Variants in CNTNAP2 observed in about 807,000 individuals in gnomAD.
CNTNAP2 encodes the protein contactin-associated protein-like 2.
Under a neutral mutation model 155.2 loss-of-function variants are expected in CNTNAP2, and 98 were observed. That is an observed-to-expected ratio of 0.63 (90% CI 0.54 to 0.75). The LOEUF is 0.75. Among genes scored for constraint, CNTNAP2 ranks in the 30% least tolerant of loss-of-function variants. CNTNAP2 has a pLI of 0.00. For synonymous variants in CNTNAP2, 651 were observed against 631.2 expected (o/e 1.03, Z -0.47); for missense variants, 1,727 against 1,688.1 (o/e 1.02, Z -0.40).
At chr7:146,348,266 A>G (rs1251897012) in intron 1 of CNTNAP2, among the ~76,000 whole-genome samples, 1 of 152,086 alleles carries the variant, frequency 6.6e-6, no homozygotes, top group South Asian at 2.1e-4. Context: ...TAAAAATATA[A>G]AAAAACAAAT....
chr7:146,551,868 C>G (rs1010060184), intron 1 of CNTNAP2, among the ~76,000 whole-genome samples: 3 of 152,016 alleles, frequency 2.0e-5, no homozygotes, highest in African/African-American at 7.3e-5. Context: ...CCCACCTTTT[C>G]AGAGAACGAG....
chr7:146,801,324 G>A (rs763248238), intron 2 of CNTNAP2, among the ~76,000 whole-genome samples: 9 of 152,220 alleles, frequency 5.9e-5, no homozygotes, highest in South Asian at 2.1e-4. Context: ...CTCACTAGAC[G>A]TCTGAGACCA....
intron 9 of CNTNAP2, among the ~76,000 whole-genome samples, chr7:147,354,604 G>A (rs777431930): frequency 6.6e-6 from 1 of 152,070 alleles, no homozygotes; most frequent in Non-Finnish European, 1.5e-5. Flanking sequence ...GCTTAGAATT[G>A]TCTTGGCTAC....
chr7:146,354,497 C>A (rs1794969569), intron 1 of CNTNAP2, among the ~76,000 whole-genome samples: 1 of 150,078 alleles, frequency 6.7e-6, no homozygotes, highest in African/African-American at 2.5e-5. Flanking sequence ...TCACTGCAGT[C>A]TCCACCTCCC....
intron 8 of CNTNAP2, among the ~76,000 whole-genome samples, chr7:147,159,119 A>G (rs891590955): frequency 2.6e-5 from 4 of 152,050 alleles, no homozygotes; most frequent in African/African-American, 9.7e-5. Flanking sequence ...ATGAAACTGC[A>G]CAACATCTTC....
chr7:148,170,365 A>G lies in CNTNAP2; in HGVS notation c.2774-1877A>G, dbSNP rs539743589. Among the ~76,000 whole-genome samples the G allele has an allele frequency of 5.9e-5, 9 of 152,364 alleles. No homozygotes were observed. In the South Asian group the frequency reaches 1.9e-3, roughly 32 times the overall value. On this transcript the variant is annotated intron_variant, in intron 17 of 23. Coordinates refer to ENST00000361727, the MANE Select transcript of CNTNAP2 (RefSeq NM_014141.6). Reference sequence around the variant, plus strand: ...AAGGACAAAAGCCATAATGGCTAAAATAATAGAAGCCAAATTGAAATTCTA... The same window carrying G: ...AAGGACAAAAGCCATAATGGCTAAAGTAATAGAAGCCAAATTGAAATTCTA...
chr7:146,211,775 T>G (rs1313333478), intron 1 of CNTNAP2, among the ~76,000 whole-genome samples: 2 of 152,068 alleles, frequency 1.3e-5, no homozygotes, highest in African/African-American at 4.8e-5. Flanking sequence ...TATATATTAT[T>G]TATTCAACAT....
chr7:146,532,860 G>A (rs1296218166), intron 1 of CNTNAP2, among the ~76,000 whole-genome samples: 4 of 151,696 alleles, frequency 2.6e-5, no homozygotes, highest in Non-Finnish European at 4.4e-5. Flanking sequence ...CGAGGCGGGC[G>A]GATCACAAGG....
chr7:147,668,718 TAAA>T (rs1269782135), intron 13 of CNTNAP2, among the ~76,000 whole-genome samples: 1 of 152,118 alleles, frequency 6.6e-6, no homozygotes, highest in East Asian at 1.9e-4. Flanking sequence ...CTAAGTGTGA[TAAA>T]AGAGTAAAAA....
intron 15 of CNTNAP2, among the ~76,000 whole-genome samples, chr7:148,035,040 A>C (rs1008606441): frequency 1.3e-5 from 2 of 152,228 alleles, no homozygotes; most frequent in African/African-American, 4.8e-5. Context: ...TGGTGGAAGA[A>C]ATTTCTAAGC....
At chr7:147,435,714 TATCAA>T (rs1339656861) in intron 10 of CNTNAP2, among the ~76,000 whole-genome samples, 4 of 152,200 alleles carry the variant, frequency 2.6e-5, no homozygotes, top group Non-Finnish European at 5.9e-5. Context: ...CTTCCTAGGT[TATCAA>T]ATCCAAGCTC....
chr7:147,421,851 T>A (rs1020360208), intron 10 of CNTNAP2, among the ~76,000 whole-genome samples: 3 of 151,936 alleles, frequency 2.0e-5, no homozygotes, highest in African/African-American at 7.3e-5. Flanking sequence ...CACTGCCCCC[T>A]CAACTCTCTC....
chr7:147,248,148 C>T (rs12703885), intron 8 of CNTNAP2, among the ~76,000 whole-genome samples: 29,193 of 151,922 alleles, frequency 0.19, 3,079 homozygotes, highest in Non-Finnish European at 0.23. Context: ...AAACTGCTTC[C>T]GAAAAGGTTA....
chr7:148,304,344 C>T (rs1797450660), intron 21 of CNTNAP2, among the ~76,000 whole-genome samples: 1 of 152,136 alleles, frequency 6.6e-6, no homozygotes, highest in Non-Finnish European at 1.5e-5. Flanking sequence ...TTATTTTTAT[C>T]AAAGTAATAA....
intron 1 of CNTNAP2, among the ~76,000 whole-genome samples, chr7:146,433,971 T>A (rs923052895): frequency 1.3e-5 from 2 of 152,112 alleles, no homozygotes; most frequent in African/African-American, 4.8e-5. Context: ...AAGAAAATAA[T>A]GGTCTTGACT....
intron 5 of CNTNAP2, among the ~76,000 whole-genome samples, chr7:147,116,119 GT>G (rs1800985204): frequency 6.6e-6 from 1 of 152,120 alleles, no homozygotes; most frequent in African/African-American, 2.4e-5. Flanking sequence ...AGTTGCCTCT[GT>G]TTTTCCTGTA....
intron 3 of CNTNAP2, among the ~76,000 whole-genome samples, chr7:147,038,134 T>G (rs1799192712): frequency 6.6e-6 from 1 of 152,116 alleles, no homozygotes; most frequent in Admixed American, 6.5e-5. Flanking sequence ...CTAGCCTGGG[T>G]GATAGAGCCA....
intron 13 of CNTNAP2, among the ~76,000 whole-genome samples, chr7:147,900,852 T>C (rs993392167): frequency 9.9e-6 from 1 of 100,860 alleles, no homozygotes; most frequent in Non-Finnish European, 2.6e-5. Context: ...CCACTTCCAA[T>C]ATGTTCTGGT....
rs185125724 is a variant in CNTNAP2, at chr7:147,807,995, A to T, written c.2099-95570A>T. Among the ~76,000 whole-genome samples, 487 of 152,172 alleles carry T rather than the reference A, an allele frequency of 3.2e-3. 2 individuals carry two copies. Among genetic ancestry groups the T allele is most frequent in the African/African-American group, 9.9e-3 (413 of 41,528 alleles). On this transcript the variant is annotated intron_variant, in intron 13 of 23. Transcript: ENST00000361727. ...TGTTCACTTTCTTTTTTAAAAAAAA[A>T]AAATAAAAAGTAGTTTGAGACTTCT...
Sources: gnomAD v4.1 joint callset for allele counts (sites outside exome capture counted in the v4.1 genomes callset) on GRCh38, gnomAD v4.1.1 for gene constraint, MANE v1.5 for transcripts, NCBI Gene and HGNC (gene_info 2026-07-23, HGNC 2026-07-21) for gene names.